The following NAALADL2 variants were observed in gnomAD, a reference collection of about 807,000 sequenced individuals.
The protein encoded by NAALADL2 is N-acetylated alpha-linked acidic dipeptidase like 2, also known as inactive N-acetylated-alpha-linked acidic dipeptidase-like protein 2.
NAALADL2 carries 76 observed loss-of-function variants against 87.2 expected under a neutral mutation model. The ratio of observed to expected loss-of-function variants is 0.87; its 90% CI spans 0.72 to 1.05. The LOEUF (loss-of-function observed/expected upper bound fraction) is 1.05, where lower values mean the gene tolerates loss of function less well. Among genes scored for constraint, NAALADL2 ranks in the 50% least tolerant of loss-of-function variants. The pLI, the probability that NAALADL2 is intolerant of heterozygous loss-of-function variation, is 0.00. For missense variants in NAALADL2, 1,089 were observed against 945.8 expected, an observed-to-expected ratio of 1.15 and a Z score of -1.99; for synonymous variants, 354 against 331.0, an observed-to-expected ratio of 1.07 and a Z score of -0.75.
At chr3:175,168,868 T>G (rs1734371843) in intron 2 of NAALADL2, among the ~76,000 whole-genome samples, 1 of 151,888 alleles carries the variant, frequency 6.6e-6, no homozygotes, top group Admixed American at 6.6e-5. Flanking sequence ...CTTTGTTATT[T>G]TGCTATCAAC....
At chr3:175,343,185 A>T (rs370199064) in intron 5 of NAALADL2, among the ~76,000 whole-genome samples, 39 of 152,214 alleles carry the variant, frequency 2.6e-4, no homozygotes, top group African/African-American at 9.4e-4. Flanking sequence ...TAGATGAATT[A>T]TAATACCTTT....
chr3:175,050,427 A>G (rs9829747), intron 1 of NAALADL2, among the ~76,000 whole-genome samples: 15,972 of 152,054 alleles, frequency 0.11, 844 homozygotes, highest in Middle Eastern at 0.19. Flanking sequence ...ACGTCTAGCT[A>G]ATTTTTGAAT....
intron 11 of NAALADL2, among the ~76,000 whole-genome samples, chr3:175,704,621 C>G (rs1739425337): frequency 6.6e-6 from 1 of 152,112 alleles, no homozygotes; most frequent in African/African-American, 2.4e-5. Flanking sequence ...CTCTACCCAC[C>G]GACTCTCGAT....
At chr3:174,952,192 T>TTATCA (rs761280256) in intron 1 of NAALADL2, among the ~76,000 whole-genome samples, 36 of 152,336 alleles carry the variant, frequency 2.4e-4, no homozygotes, top group Non-Finnish European at 3.5e-4. Flanking sequence ...AACATAGTTC[T>TTATCA]TATCATATTA....
chr3:175,740,278 G>A (rs1745055222), intron 12 of NAALADL2, among the ~76,000 whole-genome samples: 1 of 152,176 alleles, frequency 6.6e-6, no homozygotes, highest in Non-Finnish European at 1.5e-5. Context: ...GGAAATCATT[G>A]GTGATCTTAA....
At chr3:174,605,632 C>T (rs1038383041) in intron 2 of NAALADL2, among the ~76,000 whole-genome samples, 11 of 152,260 alleles carry the variant, frequency 7.2e-5, no homozygotes, top group Admixed American at 3.3e-4. Context: ...CACCATTGCC[C>T]AGGCTTGCTT....
intron 1 of NAALADL2, among the ~76,000 whole-genome samples, chr3:174,957,977 T>A (rs1741402070): frequency 6.6e-6 from 1 of 151,950 alleles, no homozygotes; most frequent in South Asian, 2.1e-4. Flanking sequence ...TAGTTTCCTT[T>A]CTCTGGGACA....
rs1745424567 is a variant in NAALADL2, at chr3:175,234,045, G to A, written c.660G>A (p.Leu220=). Residue 220 remains leucine, a synonymous_variant, in exon 3 of 14, where the codon CTG becomes CTA. Transcript: ENST00000454872. ...EDVQFVNYSV[L]LDLPGPSPST... The stretch of plus-strand genomic sequence containing the variant: ...TACAGTTTGTAAATTACTCTGTGCT[G>A]CTTGATCTGCCAGGCCCTTCTCCCA... 6.2e-7 allele frequency: 1 copy of A among 1,613,894 alleles called. No homozygotes were observed. Among genetic ancestry groups the A allele is most frequent in the Non-Finnish European group, 8.5e-7 (1 of 1,179,842 alleles).
chr3:175,611,810 G>C (rs1014416008), intron 10 of NAALADL2, among the ~76,000 whole-genome samples: 3 of 152,164 alleles, frequency 2.0e-5, no homozygotes, highest in Non-Finnish European at 4.4e-5. Context: ...GACACTCATT[G>C]AGAGACAAAC....
At chr3:174,559,180 A>C (rs936855670) in intron 2 of NAALADL2, among the ~76,000 whole-genome samples, 4 of 152,146 alleles carry the variant, frequency 2.6e-5, no homozygotes, top group African/African-American at 9.7e-5. Flanking sequence ...ACTTAATCCC[A>C]AAGAGGAAAC....
At chr3:175,666,822 A>T (rs1733066319) in intron 11 of NAALADL2, among the ~76,000 whole-genome samples, 2 of 152,090 alleles carry the variant, frequency 1.3e-5, no homozygotes, top group Non-Finnish European at 2.9e-5. Flanking sequence ...AAAAAACAAA[A>T]ATCCTGTTTT....
intron 9 of NAALADL2, among the ~76,000 whole-genome samples, chr3:175,499,512 A>G (rs1729255277): frequency 6.6e-6 from 1 of 151,682 alleles, no homozygotes; most frequent in African/African-American, 2.4e-5. Context: ...CTCTAGTCTT[A>G]TTCCTGTTTT....
At chr3:175,383,856 C>A (rs894871898) in intron 5 of NAALADL2, among the ~76,000 whole-genome samples, 1 of 151,966 alleles carries the variant, frequency 6.6e-6, no homozygotes, top group South Asian at 2.1e-4. Context: ...AGAAAAGATA[C>A]GTAGTGGGCT....
intron 9 of NAALADL2, among the ~76,000 whole-genome samples, chr3:175,494,353 A>G (rs528885529): frequency 4.6e-4 from 70 of 152,266 alleles, no homozygotes; most frequent in African/African-American, 1.6e-3. Flanking sequence ...AGCAATTAGA[A>G]TCCCAGAGTA....
chr3:175,344,888 A>G (rs192458118), intron 5 of NAALADL2, among the ~76,000 whole-genome samples: 1 of 152,298 alleles, frequency 6.6e-6, no homozygotes, highest in East Asian at 1.9e-4. Context: ...ATAACAATAA[A>G]TGATGTACAT....
chr3:174,571,079 A>T (rs986803289), intron 2 of NAALADL2, among the ~76,000 whole-genome samples: 19 of 152,146 alleles, frequency 1.2e-4, no homozygotes, highest in African/African-American at 4.3e-4. Flanking sequence ...TGCCTTTCGG[A>T]TAAGCTTCCA....
At chr3:174,915,687 G>A (rs1055076467) in intron 1 of NAALADL2, among the ~76,000 whole-genome samples, 7 of 151,592 alleles carry the variant, frequency 4.6e-5, no homozygotes, top group African/African-American at 1.7e-4. Context: ...AATAATTTTA[G>A]GAAAAAAAGC....
intron 4 of NAALADL2, among the ~76,000 whole-genome samples, chr3:175,269,088 G>A (rs115033885): frequency 0.027 from 4,132 of 151,642 alleles, 98 homozygotes; most frequent in Middle Eastern, 0.041. Context: ...ACAGATGTGT[G>A]CCACCATGCC....
intron 3 of NAALADL2, among the ~76,000 whole-genome samples, chr3:174,802,120 TA>T (rs1374618916): frequency 3.3e-5 from 5 of 152,118 alleles, no homozygotes; most frequent in African/African-American, 9.6e-5. Flanking sequence ...TAGATTAATA[TA>T]TTTTTTTCTA....
Sources: allele counts gnomAD v4.1 joint callset (sites outside exome capture counted in the v4.1 genomes callset), GRCh38; gene constraint gnomAD v4.1.1; transcripts MANE v1.5; gene names NCBI Gene and HGNC (gene_info 2026-07-23, HGNC 2026-07-21).